Variants in TECPR2 observed in about 807,000 individuals in gnomAD.
The protein encoded by TECPR2 is tectonin beta-propeller repeat-containing protein 2.
Under a neutral mutation model 138.1 loss-of-function variants are expected in TECPR2, and 65 were observed. The observed-to-expected ratio is 0.47, with a 90% CI of 0.39 to 0.58. TECPR2 has a LOEUF of 0.58. Among genes scored for constraint, TECPR2 ranks in the 20% least tolerant of loss-of-function variants. TECPR2 has a pLI of 0.00. For synonymous variants in TECPR2, 746 were observed against 749.8 expected (o/e 0.99, Z 0.08); for missense variants, 1,553 against 1,824.5 (o/e 0.85, Z 2.71).
chr14:102,378,142 G>A (rs185940151), intron 2 of TECPR2, among the ~76,000 whole-genome samples: 91 of 152,344 alleles, frequency 6.0e-4, no homozygotes, highest in African/African-American at 2.1e-3. Flanking sequence ...AGTTGACTGA[G>A]TTGTGGCTTC....
chr14:102,459,034 C>G, intron 16 of TECPR2, among the ~76,000 whole-genome samples: 1 of 151,164 alleles, frequency 6.6e-6, no homozygotes, highest in East Asian at 1.9e-4. Context: ...AAAGTTTACA[C>G]ACGGAGTGTG....
Position 102,449,942 on chromosome 14 carries a change from G to A in TECPR2, c.3316+73G>A, listed in dbSNP as rs1890098162. Reference sequence around the variant, plus strand: ...CTTTAAAGCCAACATTTAAAGAAAAGCTTTAAGATCTCAACTTGAAAAGAT... The same window carrying A: ...CTTTAAAGCCAACATTTAAAGAAAAACTTTAAGATCTCAACTTGAAAAGAT... On this transcript the variant is annotated intron_variant, in intron 14 of 19. Transcript: ENST00000359520. 3 of 1,573,994 alleles carry A rather than the reference G, an allele frequency of 1.9e-6. No individual in the cohort carries two copies. In the South Asian group the frequency reaches 3.4e-5, roughly 18 times the overall value.
chr14:102,467,842 CTTTTTTTTT>C (rs554307063), intron 17 of TECPR2, among the ~76,000 whole-genome samples: 5 of 143,850 alleles, frequency 3.5e-5, no homozygotes, highest in Non-Finnish European at 7.7e-5. Flanking sequence ...TTCCTTTTTT[CTTTTTTTTT>C]TTTATGATGG....
intron 2 of TECPR2, 55 bp from the exon 3 acceptor site, chr14:102,407,283 T>G (rs865835755): frequency 1.3e-6 from 2 of 1,532,126 alleles, no homozygotes; most frequent in Middle Eastern, 1.8e-4. Context: ...CTCCTTGTTT[T>G]ACATTTTCAA....
chr14:102,499,414 G>T lies in TECPR2; in HGVS notation c.*1157G>T. The T allele has an allele frequency of 1.7e-6, 1 of 588,938 alleles. No homozygotes were observed. Among genetic ancestry groups the T allele is most frequent in the Non-Finnish European group, 3.0e-6 (1 of 330,236 alleles). 36.5% of individuals were successfully genotyped at this position (588,938 alleles called of 1,614,324 possible). Reference sequence around the variant, plus strand: ...GATATGTTTTCCGAAAACAGTGGAAGCCCTTTGTTCCTTCCCGGGTTTGTC... The same window carrying T: ...GATATGTTTTCCGAAAACAGTGGAATCCCTTTGTTCCTTCCCGGGTTTGTC... On this transcript the variant is annotated 3_prime_UTR_variant, in exon 20 of 20. Transcript: ENST00000359520.
At position 102,498,137 on chromosome 14, in the gene TECPR2, G is replaced by A. The variant is rs777406369; in HGVS notation, c.4116G>A (p.Pro1372=). Reference sequence around the variant, plus strand: ...CAGATGAGCTGTGGGCTGTGGGCCCGCCCGGCTACCTCCTCCAACGGCTGA... The same window carrying A: ...CAGATGAGCTGTGGGCTGTGGGCCCACCCGGCTACCTCCTCCAACGGCTGA... The part of the protein sequence containing the change: ...TASDELWAVG[P]PGYLLQRLTK... Residue 1372 remains proline, a synonymous_variant, in exon 20 of 20, where the codon CCG becomes CCA. Transcript: ENST00000359520. The A allele has an allele frequency of 3.6e-5, 58 of 1,613,170 alleles. No individual in the cohort carries two copies. The highest frequency in any genetic ancestry group is 3.5e-4 in the Admixed American group (21 of 59,976).
At chr14:102,364,999 TACTC>T (rs1188644883) in intron 1 of TECPR2, among the ~76,000 whole-genome samples, 2 of 152,220 alleles carry the variant, frequency 1.3e-5, no homozygotes, top group East Asian at 3.8e-4. Flanking sequence ...AGGGAGCTGT[TACTC>T]AAGATGCATG....
chr14:102,376,280 T>A (rs887479074), intron 1 of TECPR2, among the ~76,000 whole-genome samples: 1 of 152,142 alleles, frequency 6.6e-6, no homozygotes, highest in Admixed American at 6.6e-5. Context: ...TCCCCACTGA[T>A]CTCTCTCTCC....
intron 15 of TECPR2, 93 bp from the exon 16 acceptor site, chr14:102,452,301 C>A: frequency 7.8e-7 from 1 of 1,285,408 alleles, no homozygotes; most frequent in Non-Finnish European, 1.1e-6. Flanking sequence ...AGGTGGCTAG[C>A]GTCTGCTGAA....
intron 2 of TECPR2, among the ~76,000 whole-genome samples, chr14:102,405,940 A>ACT (rs1888646450): frequency 6.6e-6 from 1 of 152,036 alleles, no homozygotes; most frequent in Non-Finnish European, 1.5e-5. Context: ...AAAGGCAAAT[A>ACT]CTGTATGGTT....
intron 13 of TECPR2, 107 bp downstream of exon 13, chr14:102,446,054 C>A: frequency 7.8e-7 from 1 of 1,282,564 alleles, no homozygotes. Context: ...ATTTAAAATA[C>A]TCACTTTTTT....
intron 2 of TECPR2, among the ~76,000 whole-genome samples, chr14:102,394,829 T>C (rs542972743): frequency 3.3e-5 from 5 of 152,302 alleles, no homozygotes; most frequent in African/African-American, 1.2e-4. Context: ...TCTGTCTTCA[T>C]CACGATTTCA....
In TECPR2 at chr14:102,498,775, TGCCAGACGCTCTG is replaced by T; in HGVS notation, c.*524_*536del. ...AGACAAAGCTGCAGAGCACATTCCA[TGCCAGACGCTCTG>T]GCCAGGAAGCTGAGGCCGGGCTTGA... On this transcript the variant is annotated 3_prime_UTR_variant, in exon 20 of 20. Transcript: ENST00000359520. 2.0e-6 allele frequency: 1 copy of T among 502,596 alleles called. No individual in the cohort carries two copies. Among genetic ancestry groups the T allele is most frequent in the Non-Finnish European group, 3.9e-6 (1 of 258,268 alleles). 31.1% of individuals were successfully genotyped at this position (502,596 alleles called of 1,614,324 possible). A position where few individuals can be genotyped will look rare whatever the true frequency, so the allele number is the denominator to read the frequency against.
At chr14:102,489,773 G>C (rs1437586215) in intron 17 of TECPR2, among the ~76,000 whole-genome samples, 2 of 151,352 alleles carry the variant, frequency 1.3e-5, no homozygotes, top group African/African-American at 4.9e-5. Context: ...GACAGCCCCT[G>C]AGTGTGTCTG....
At chr14:102,408,390 C>G in intron 3 of TECPR2, 98 bp from the exon 4 acceptor site, 4 of 1,347,986 alleles carry the variant, frequency 3.0e-6, no homozygotes, top group Middle Eastern at 4.2e-4. Context: ...ACCAGCTCTT[C>G]CCTAACTAGG....
intron 8 of TECPR2, 105 bp from the exon 9 acceptor site, chr14:102,434,130 T>A: frequency 9.2e-7 from 1 of 1,089,808 alleles, no homozygotes; most frequent in Non-Finnish European, 1.2e-6. Context: ...CCAAATATCC[T>A]TTATTTAAAA....
intron 17 of TECPR2, among the ~76,000 whole-genome samples, chr14:102,477,958 G>C (rs1413634102): frequency 2.0e-5 from 2 of 101,268 alleles, no homozygotes; most frequent in African/African-American, 8.6e-5. Flanking sequence ...AAAAAAAAAA[G>C]AGTTAGCCAG....
chr14:102,390,925 A>G (rs1442826236), intron 2 of TECPR2, among the ~76,000 whole-genome samples: 1 of 152,128 alleles, frequency 6.6e-6, no homozygotes, highest in Non-Finnish European at 1.5e-5. Flanking sequence ...TTATATGATC[A>G]TGAGACAACC....
At chr14:102,488,339 ATT>A (rs900234455) in intron 17 of TECPR2, among the ~76,000 whole-genome samples, 17 of 136,258 alleles carry the variant, frequency 1.2e-4, no homozygotes, top group South Asian at 2.3e-4. Flanking sequence ...TTTTAATTGA[ATT>A]TTTTTTTATT....
Sources: allele counts gnomAD v4.1 joint callset (sites outside exome capture counted in the v4.1 genomes callset), GRCh38; gene constraint gnomAD v4.1.1; transcripts MANE v1.5; gene names NCBI Gene and HGNC (gene_info 2026-07-23, HGNC 2026-07-21).